Variants in PHACTR1 observed in about 807,000 individuals in gnomAD.
PHACTR1 encodes RPEL repeat containing 1.
Under a neutral mutation model 69.2 loss-of-function variants are expected in PHACTR1, and 16 were observed. The observed-to-expected ratio is 0.23, with a 90% confidence interval of 0.16 to 0.35. The LOEUF (loss-of-function observed/expected upper bound fraction) is 0.35, where lower values mean the gene tolerates loss of function less well. Among genes scored for constraint, PHACTR1 ranks in the 10% least tolerant of loss-of-function variants. PHACTR1 has a pLI of 1.00. For synonymous variants in PHACTR1, 312 were observed against 284.5 expected (o/e 1.10, Z -0.97); for missense variants, 510 against 734.7 (o/e 0.69, Z 3.54).
At chr6:13,168,694 A>AT (rs1760170960) in intron 6 of PHACTR1, among the ~76,000 whole-genome samples, 1 of 152,110 alleles carries the variant, frequency 6.6e-6, no homozygotes, top group Admixed American at 6.5e-5. Flanking sequence ...ATCTTAGAGG[A>AT]ACCCTGCGGG....
intron 4 of PHACTR1, among the ~76,000 whole-genome samples, chr6:12,812,125 A>T (rs1775077609): frequency 6.6e-6 from 1 of 152,182 alleles, no homozygotes; most frequent in African/African-American, 2.4e-5. Context: ...ACCCCAAAAG[A>T]AAACCATGTG....
intron 5 of PHACTR1, among the ~76,000 whole-genome samples, chr6:13,127,656 A>G (rs1002506731): frequency 2.6e-5 from 4 of 152,194 alleles, no homozygotes; most frequent in African/African-American, 9.7e-5. Flanking sequence ...AAAATAGTCA[A>G]TATGTCAGAG....
At chr6:12,909,584 G>A (rs943804047) in intron 4 of PHACTR1, among the ~76,000 whole-genome samples, 9 of 152,218 alleles carry the variant, frequency 5.9e-5, no homozygotes, top group African/African-American at 2.2e-4. Context: ...AGAAATGATT[G>A]TTATGAGTAG....
intron 6 of PHACTR1, among the ~76,000 whole-genome samples, chr6:13,177,371 C>CTT (rs1461914467): frequency 2.3e-5 from 3 of 130,626 alleles, no homozygotes; most frequent in East Asian, 3.9e-4. Flanking sequence ...TGCGCTCTCT[C>CTT]TCTCTCTCTC....
chr6:12,998,838 T>G (rs1204939694), intron 4 of PHACTR1, among the ~76,000 whole-genome samples: 1 of 151,548 alleles, frequency 6.6e-6, no homozygotes, highest in East Asian at 1.9e-4. Flanking sequence ...AATAAACAAG[T>G]GGACAAAATA....
At chr6:12,909,775 T>G (rs1786163513) in intron 4 of PHACTR1, among the ~76,000 whole-genome samples, 1 of 152,218 alleles carries the variant, frequency 6.6e-6, no homozygotes, top group African/African-American at 2.4e-5. Context: ...TGACTTAAGA[T>G]CGGCAGCATT....
chr6:12,758,983 G>A (rs555825150), intron 4 of PHACTR1, among the ~76,000 whole-genome samples: 1 of 151,980 alleles, frequency 6.6e-6, no homozygotes, highest in South Asian at 2.1e-4. Context: ...AATTAGCCAG[G>A]CATGGTGGCA....
At chr6:12,845,425 A>AC (rs1332657788) in intron 4 of PHACTR1, among the ~76,000 whole-genome samples, 125 of 14,768 alleles carry the variant, frequency 8.5e-3, no homozygotes, top group East Asian at 0.032. Flanking sequence ...TGTGAACACC[A>AC]CCCACCCCCC....
intron 8 of PHACTR1, among the ~76,000 whole-genome samples, chr6:13,206,855 TAC>T (rs1472038434): frequency 6.6e-6 from 1 of 152,152 alleles, no homozygotes; most frequent in Non-Finnish European, 1.5e-5. Flanking sequence ...GAAACCTGAG[TAC>T]ACGGAGAAAA....
intron 10 of PHACTR1, chr6:13,253,131 AG>A (rs1489649241): frequency 2.5e-6 from 1 of 402,200 alleles, no homozygotes; most frequent in Non-Finnish European, 5.1e-6. Context: ...CTCTATCCTC[AG>A]CCCTCTCCTT....
At chr6:13,119,265 C>G (rs867405936) in intron 5 of PHACTR1, among the ~76,000 whole-genome samples, 1 of 152,048 alleles carries the variant, frequency 6.6e-6, no homozygotes, top group African/African-American at 2.4e-5. Flanking sequence ...TTTGGAAAAC[C>G]CACTGGGATT....
At chr6:13,090,014 T>C (rs912506182) in intron 5 of PHACTR1, among the ~76,000 whole-genome samples, 4 of 152,170 alleles carry the variant, frequency 2.6e-5, no homozygotes, top group Admixed American at 2.6e-4. Flanking sequence ...AGTAGTATAA[T>C]AGAAGGGAAC....
intron 4 of PHACTR1, among the ~76,000 whole-genome samples, chr6:12,815,616 C>A (rs1288813508): frequency 6.6e-6 from 1 of 152,138 alleles, no homozygotes; most frequent in Non-Finnish European, 1.5e-5. Flanking sequence ...TCACCTTCTC[C>A]CAAATTAAGT....
chr6:12,846,063 TA>T (rs1439133672), intron 4 of PHACTR1, among the ~76,000 whole-genome samples: 2 of 144,318 alleles, frequency 1.4e-5, no homozygotes, highest in African/African-American at 5.3e-5. Flanking sequence ...GCCATTTCTT[TA>T]AAAACAAACA....
rs568100609 is a variant in PHACTR1, at chr6:12,796,058, C to T, written c.250+46268C>T. Reference sequence around the variant, plus strand: ...CATACTGAAACTTTGCCAAAACCAACGAAATTGTTTTATTTTTTTCTAGGT... The same window carrying T: ...CATACTGAAACTTTGCCAAAACCAATGAAATTGTTTTATTTTTTTCTAGGT... On this transcript the variant is annotated intron_variant, in intron 4 of 14. Coordinates refer to ENST00000332995, the MANE Select transcript of PHACTR1 (RefSeq NM_030948.6). Among the ~76,000 whole-genome samples, 28 of 152,014 alleles carry T rather than the reference C, an allele frequency of 1.8e-4. 1 individual carries two copies. In the South Asian group the frequency reaches 3.5e-3, roughly 19 times the overall value.
At chr6:13,264,860 C>G (rs1343539463) in intron 10 of PHACTR1, 1 of 151,696 alleles carries the variant, frequency 6.6e-6, no homozygotes, top group African/African-American at 2.4e-5. Context: ...TCGTCTCTAC[C>G]AAAAATTAAA....
At chr6:12,733,503 A>T (rs1763836891) in intron 3 of PHACTR1, among the ~76,000 whole-genome samples, 1 of 152,204 alleles carries the variant, frequency 6.6e-6, no homozygotes, top group South Asian at 2.1e-4. Context: ...CTGGCTTCAC[A>T]GCTTTCCCCT....
At chr6:12,994,608 AT>A (rs1797207655) in intron 4 of PHACTR1, among the ~76,000 whole-genome samples, 1 of 152,198 alleles carries the variant, frequency 6.6e-6, no homozygotes, top group Non-Finnish European at 1.5e-5. Flanking sequence ...AAATTTGAAT[AT>A]TTTACAAAAT....
intron 3 of PHACTR1, among the ~76,000 whole-genome samples, chr6:12,745,417 T>G (rs1765650767): frequency 6.6e-6 from 1 of 152,100 alleles, no homozygotes; most frequent in African/African-American, 2.4e-5. Context: ...TGGGTGGCAG[T>G]GGGGTGGGGA....
Sources: allele counts gnomAD v4.1 joint callset (sites outside exome capture counted in the v4.1 genomes callset), GRCh38; gene constraint gnomAD v4.1.1; transcripts MANE v1.5; gene names NCBI Gene and HGNC (gene_info 2026-07-23, HGNC 2026-07-21).